Variants in SLC71A2 observed in about 807,000 individuals in gnomAD.
The protein encoded by SLC71A2 is hippocampus abundant transcript-like 1.
chr9:94,396,692 A>G, the SLC71A2 span, among the ~76,000 whole-genome samples: 1 of 152,256 alleles, frequency 6.6e-6, no homozygotes, highest in Non-Finnish European at 1.5e-5. Flanking sequence ...ACTGCTAAAT[A>G]TCAGTGAAAC....
the SLC71A2 span, chr9:94,454,115 T>A: frequency 7.4e-7 from 1 of 1,353,276 alleles, no homozygotes; most frequent in Non-Finnish European, 1.1e-6. Flanking sequence ...GACAGATGCC[T>A]CTTAGAGGAG....
At chr9:94,407,622 C>T in the SLC71A2 span, among the ~76,000 whole-genome samples, 1 of 152,088 alleles carries the variant, frequency 6.6e-6, no homozygotes. Flanking sequence ...TGTGATCCAC[C>T]CGCCTCGGCC....
the SLC71A2 span, among the ~76,000 whole-genome samples, chr9:94,420,155 A>G: frequency 3.3e-5 from 5 of 152,130 alleles, no homozygotes; most frequent in African/African-American, 1.2e-4. Flanking sequence ...ATGTGTGTGT[A>G]TCGTCTAGAG....
chr9:94,418,260 A>C, the SLC71A2 span, among the ~76,000 whole-genome samples: 1 of 151,848 alleles, frequency 6.6e-6, no homozygotes, highest in Admixed American at 6.6e-5. Context: ...CTTTTGTTTG[A>C]ATAATTTCTA....
At chr9:94,381,907 C>T in the SLC71A2 span, among the ~76,000 whole-genome samples, 2 of 152,182 alleles carry the variant, frequency 1.3e-5, no homozygotes, top group Non-Finnish European at 2.9e-5. Flanking sequence ...CTAGTTCATC[C>T]ATATCCTTAC....
the SLC71A2 span, among the ~76,000 whole-genome samples, chr9:94,409,364 TGGTCTTAA>T: frequency 3.1e-5 from 2 of 65,178 alleles, no homozygotes; most frequent in Admixed American, 3.4e-4. Context: ...TTGCCCAAGC[TGGTCTTAA>T]CTTCTTAACT....
chr9:94,445,157 C>A, the SLC71A2 span: 1 of 1,613,628 alleles, frequency 6.2e-7, no homozygotes, highest in Admixed American at 1.7e-5. Flanking sequence ...GCTCAGATTT[C>A]TTGGAAACAA....
At chr9:94,459,352 C>T in the SLC71A2 span, 1 of 1,614,142 alleles carries the variant, frequency 6.2e-7, no homozygotes, top group Non-Finnish European at 8.5e-7. Context: ...TACTGCAAGA[C>T]AGCAGCATCT....
the SLC71A2 span, chr9:94,438,329 T>C: frequency 5.6e-6 from 9 of 1,598,180 alleles, no homozygotes; most frequent in Non-Finnish European, 6.0e-6. Context: ...CTAATGCATT[T>C]AGAAAATATG....
the SLC71A2 span, among the ~76,000 whole-genome samples, chr9:94,387,438 A>G: frequency 6.8e-6 from 1 of 147,572 alleles, no homozygotes; most frequent in Non-Finnish European, 1.5e-5. Flanking sequence ...TTTTTTTTTT[A>G]AGAATTGATG....
the SLC71A2 span, among the ~76,000 whole-genome samples, chr9:94,445,674 C>T: frequency 6.6e-6 from 1 of 152,098 alleles, no homozygotes. Flanking sequence ...TTTCCACCCC[C>T]TTCTTTTTTG....
the SLC71A2 span, chr9:94,446,792 T>G: frequency 8.4e-7 from 1 of 1,188,110 alleles, no homozygotes; most frequent in Non-Finnish European, 1.3e-6. Flanking sequence ...TGTATTGGCA[T>G]TTTAAGTGTG....
At chr9:94,392,564 G>C in the SLC71A2 span, among the ~76,000 whole-genome samples, 1 of 150,982 alleles carries the variant, frequency 6.6e-6, no homozygotes, top group Admixed American at 6.6e-5. Flanking sequence ...GCAGTGGTGT[G>C]ATCTCGGCTT....
the SLC71A2 span, among the ~76,000 whole-genome samples, chr9:94,382,780 G>A: frequency 2.0e-5 from 3 of 151,858 alleles, no homozygotes; most frequent in Non-Finnish European, 2.9e-5. Flanking sequence ...GGGTTCCAGC[G>A]ATTCTCCTGC....
At chr9:94,431,156 AC>A in the SLC71A2 span, among the ~76,000 whole-genome samples, 575 of 152,240 alleles carry the variant, frequency 3.8e-3, no homozygotes, top group Non-Finnish European at 7.3e-3. Flanking sequence ...TACCAAAAAT[AC>A]AAAAAATTAG....
chr9:94,394,092 G>A, the SLC71A2 span, among the ~76,000 whole-genome samples: 5 of 145,972 alleles, frequency 3.4e-5, no homozygotes, highest in South Asian at 9.2e-4. Flanking sequence ...TACAAAAACA[G>A]TTCTTGGCCT....
At chr9:94,438,126 C>T in the SLC71A2 span, among the ~76,000 whole-genome samples, 2 of 151,790 alleles carry the variant, frequency 1.3e-5, no homozygotes, top group Non-Finnish European at 2.9e-5. Context: ...TTAGTAGAGA[C>T]GAGGTTTCAC....
the SLC71A2 span, among the ~76,000 whole-genome samples, chr9:94,434,829 A>G: frequency 6.6e-6 from 1 of 152,220 alleles, no homozygotes; most frequent in Non-Finnish European, 1.5e-5. Flanking sequence ...AGAGAAAGAT[A>G]AATAATTTGC....
the SLC71A2 span, among the ~76,000 whole-genome samples, chr9:94,454,553 G>C: frequency 1.9e-4 from 27 of 143,756 alleles, no homozygotes; most frequent in Non-Finnish European, 3.7e-4. Flanking sequence ...TTTTAGTAGA[G>C]ATGGGTTTCA....
Sources: gnomAD v4.1 joint callset for allele counts (sites outside exome capture counted in the v4.1 genomes callset) on GRCh38, gnomAD v4.1.1 for gene constraint, MANE v1.5 for transcripts, NCBI Gene and HGNC (gene_info 2026-07-23, HGNC 2026-07-21) for gene names.